The following SLC24A3 variants were observed in gnomAD, a reference collection of about 807,000 sequenced individuals.
SLC24A3 encodes sodium/potassium/calcium exchanger 3.
A neutral mutation model predicts 75.8 loss-of-function variants in SLC24A3; 28 were observed. The observed-to-expected ratio is 0.37, with a 90% CI of 0.27 to 0.51. The LOEUF is 0.51. Ranked by LOEUF, SLC24A3 falls within the 20% of genes least tolerant of loss-of-function variation. The pLI is 0.94. For synonymous variants in SLC24A3, 372 were observed against 334.1 expected, an observed-to-expected ratio of 1.11 and a Z score of -1.24; for missense variants, 663 against 847.8, an observed-to-expected ratio of 0.78 and a Z score of 2.71.
intron 2 of SLC24A3, among the ~76,000 whole-genome samples, chr20:19,444,622 T>C (rs114589096): frequency 0.015 from 2,278 of 152,260 alleles, 48 homozygotes; most frequent in African/African-American, 0.052. Flanking sequence ...GTTGTCATAA[T>C]AGTCCTTTAT....
Position 19,212,964 on chromosome 20 carries a change from C to T in SLC24A3, c.122C>T (p.Ser41Leu). Residue 41 changes from serine (S) to leucine (L), a missense_variant, in exon 1 of 17, where the codon TCG (serine) becomes TTG (leucine). Physicochemically the swap from Ser to Leu is moderately radical, Grantham distance 145. Coordinates refer to ENST00000328041, the MANE Select transcript of SLC24A3 (RefSeq NM_020689.4). ...GTGGCGCTGCTGCTCTGGTCGCTGT[C>T]GAGCCTGCGAGAGCAGAAGGGTGAG... Reference protein sequence around the residue: ...ASVALLLWSLSSLREQKELDL... With the variant: ...ASVALLLWSLLSLREQKELDL... 1 of 1,307,920 alleles carries T rather than the reference C, an allele frequency of 7.6e-7. No individual in the cohort carries two copies. The highest frequency in any genetic ancestry group is 9.7e-7 in the Non-Finnish European group (1 of 1,026,160). The allele number at this position is 1,307,920 out of a possible 1,614,324, so 81.0% of individuals were successfully genotyped here.
At chr20:19,300,647 C>T (rs3827978) in intron 2 of SLC24A3, among the ~76,000 whole-genome samples, 43,835 of 152,010 alleles carry the variant, frequency 0.29, 7,035 homozygotes, top group Middle Eastern at 0.51. Flanking sequence ...TAAAGGATCT[C>T]CACTGTCCAT....
At chr20:19,262,596 T>C (rs1983029076) in intron 1 of SLC24A3, among the ~76,000 whole-genome samples, 2 of 151,998 alleles carry the variant, frequency 1.3e-5, no homozygotes, top group African/African-American at 4.8e-5. Context: ...TTCCCCCAAT[T>C]GTGCTACAAT....
intron 15 of SLC24A3, among the ~76,000 whole-genome samples, chr20:19,714,795 A>G (rs2122173000): frequency 6.6e-6 from 1 of 152,376 alleles, no homozygotes; most frequent in South Asian, 2.1e-4. Context: ...ATGTGAACAT[A>G]GGAAGAGTAA....
intron 2 of SLC24A3, among the ~76,000 whole-genome samples, chr20:19,456,479 G>T (rs775725525): frequency 6.6e-6 from 1 of 152,200 alleles, no homozygotes; most frequent in Non-Finnish European, 1.5e-5. Context: ...GACGGGACTT[G>T]CTCCTCCTTG....
intron 3 of SLC24A3, among the ~76,000 whole-genome samples, chr20:19,540,650 A>C (rs1210054214): frequency 6.6e-6 from 1 of 152,232 alleles, no homozygotes; most frequent in Non-Finnish European, 1.5e-5. Context: ...GTACTGCATG[A>C]AGCCCAGGGG....
chr20:19,664,151 T>C (rs2032370587), intron 7 of SLC24A3, among the ~76,000 whole-genome samples: 1 of 152,244 alleles, frequency 6.6e-6, no homozygotes, highest in South Asian at 2.1e-4. Context: ...AGGACTAATA[T>C]TGAATTAACT....
intron 6 of SLC24A3, among the ~76,000 whole-genome samples, chr20:19,602,520 GT>G (rs1212519874): frequency 1.3e-5 from 2 of 152,136 alleles, no homozygotes; most frequent in African/African-American, 4.8e-5. Context: ...ACCACAGCTG[GT>G]TTTCAGTTTC....
intron 2 of SLC24A3, among the ~76,000 whole-genome samples, chr20:19,409,858 T>C (rs577590739): frequency 8.6e-5 from 13 of 151,658 alleles, no homozygotes; most frequent in Non-Finnish European, 1.8e-4. Flanking sequence ...TATATATATA[T>C]ATATATATGT....
At chr20:19,292,594 A>G (rs1450583877) in intron 2 of SLC24A3, among the ~76,000 whole-genome samples, 1 of 152,124 alleles carries the variant, frequency 6.6e-6, no homozygotes, top group Non-Finnish European at 1.5e-5. Flanking sequence ...ATCACGGATG[A>G]TGGGGATTTT....
At chr20:19,579,157 G>A (rs2031182554) in intron 3 of SLC24A3, among the ~76,000 whole-genome samples, 1 of 152,232 alleles carries the variant, frequency 6.6e-6, no homozygotes, top group South Asian at 2.1e-4. Flanking sequence ...ATGGGGCATG[G>A]TGGATATTTG....
At chr20:19,372,789 TC>T (rs1986014222) in intron 2 of SLC24A3, among the ~76,000 whole-genome samples, 1 of 151,746 alleles carries the variant, frequency 6.6e-6, no homozygotes, top group African/African-American at 2.4e-5. Context: ...CGGCTTTCCC[TC>T]CCCGAGCTCA....
At chr20:19,239,497 A>T (rs1246872467) in intron 1 of SLC24A3, among the ~76,000 whole-genome samples, 1 of 152,202 alleles carries the variant, frequency 6.6e-6, no homozygotes, top group East Asian at 1.9e-4. Context: ...CACAAGAGGC[A>T]CTGGGTGCTG....
chr20:19,430,188 A>G (rs1432645554), intron 2 of SLC24A3, among the ~76,000 whole-genome samples: 3 of 151,860 alleles, frequency 2.0e-5, no homozygotes, highest in East Asian at 3.9e-4. Context: ...TTAGGGTTTG[A>G]CTCCTTGGAG....
intron 16 of SLC24A3, among the ~76,000 whole-genome samples, chr20:19,720,483 G>T (rs575267036): frequency 1.4e-4 from 22 of 152,258 alleles, no homozygotes; most frequent in Admixed American, 1.1e-3. Context: ...TCCAGGCTCA[G>T]TGTTTTTAGG....
intron 9 of SLC24A3, among the ~76,000 whole-genome samples, chr20:19,679,504 A>AGAGGGAGACCGTGGGGG (rs2032582050): frequency 6.8e-6 from 1 of 148,030 alleles, no homozygotes; most frequent in African/African-American, 2.5e-5. Context: ...AAAGAGACGG[A>AGAGGGAGACCGTGGGGG]GAGGGAGACC....
At chr20:19,483,471 G>A (rs141308573) in intron 2 of SLC24A3, among the ~76,000 whole-genome samples, 232 of 152,334 alleles carry the variant, frequency 1.5e-3, no homozygotes, top group Non-Finnish European at 2.7e-3. Flanking sequence ...AATTGTGTGT[G>A]TATGTGGTAA....
intron 2 of SLC24A3, among the ~76,000 whole-genome samples, chr20:19,375,711 G>C (rs1252516162): frequency 6.6e-6 from 1 of 152,212 alleles, no homozygotes; most frequent in East Asian, 1.9e-4. Context: ...CAGGGGCCAG[G>C]CGCCCAGCCC....
chr20:19,248,122 GA>G (rs532583973), intron 1 of SLC24A3, among the ~76,000 whole-genome samples: 6 of 151,996 alleles, frequency 3.9e-5, no homozygotes, highest in Admixed American at 3.9e-4. Context: ...CCCAAAAATA[GA>G]AAAAAACAAA....
Sources: allele counts gnomAD v4.1 joint callset (sites outside exome capture counted in the v4.1 genomes callset), GRCh38; gene constraint gnomAD v4.1.1; transcripts MANE v1.5; gene names NCBI Gene and HGNC (gene_info 2026-07-23, HGNC 2026-07-21).